CLSTN2: variants seen among roughly 807,000 people sequenced by gnomAD.
CLSTN2 encodes the protein calsyntenin 2.
CLSTN2 carries 48 observed loss-of-function variants against 101.2 expected under a neutral mutation model. The ratio of observed to expected loss-of-function variants is 0.47; its 90% CI spans 0.38 to 0.60. The LOEUF is 0.60. Ranked by LOEUF, CLSTN2 falls within the 20% of genes least tolerant of loss-of-function variation. The probability of loss-of-function intolerance (pLI) is 0.00; values close to 1 mark genes in which losing one functional copy is unlikely to be tolerated. For missense variants in CLSTN2, 1,160 were observed against 1,238.2 expected (o/e 0.94, Z 0.95); for synonymous variants, 481 against 463.6 (o/e 1.04, Z -0.48).
At chr3:140,173,144 T>G (rs2010265640) in intron 1 of CLSTN2, among the ~76,000 whole-genome samples, 2 of 152,186 alleles carry the variant, frequency 1.3e-5, no homozygotes, top group Admixed American at 1.3e-4. Context: ...AGCAAGCTAG[T>G]TATTTCCTAG....
intron 2 of CLSTN2, among the ~76,000 whole-genome samples, chr3:140,247,725 C>T (rs1033770587): frequency 3.9e-5 from 6 of 152,132 alleles, no homozygotes; most frequent in Non-Finnish European, 2.9e-5. Flanking sequence ...GGCTCATCAA[C>T]AGTAAAGACA....
intron 2 of CLSTN2, among the ~76,000 whole-genome samples, chr3:140,339,384 AT>A (rs1253479895): frequency 6.6e-6 from 1 of 152,082 alleles, no homozygotes; most frequent in East Asian, 1.9e-4. Flanking sequence ...GCCCTTTGGA[AT>A]TATAGTGAGA....
intron 1 of CLSTN2, among the ~76,000 whole-genome samples, chr3:140,070,610 T>A (rs1038097015): frequency 1.4e-5 from 2 of 145,352 alleles, no homozygotes; most frequent in Non-Finnish European, 3.1e-5. Context: ...ATGGCCAGAT[T>A]TGATACTTAA....
chr3:140,060,627 G>A (rs1346606808), intron 1 of CLSTN2, among the ~76,000 whole-genome samples: 1 of 152,202 alleles, frequency 6.6e-6, no homozygotes, highest in African/African-American at 2.4e-5. Flanking sequence ...CTGGCTCAGG[G>A]GAGGTGCTTC....
intron 1 of CLSTN2, among the ~76,000 whole-genome samples, chr3:139,981,756 C>T (rs1462057932): frequency 6.6e-6 from 1 of 152,212 alleles, no homozygotes; most frequent in African/African-American, 2.4e-5. Flanking sequence ...AATCTTTGCT[C>T]TTCTCAGTTA....
intron 5 of CLSTN2, among the ~76,000 whole-genome samples, chr3:140,438,195 A>G (rs1243224244): frequency 6.6e-6 from 1 of 152,070 alleles, no homozygotes; most frequent in Admixed American, 6.5e-5. Flanking sequence ...ACTGAGATAC[A>G]TTTTGTCAAG....
At chr3:140,143,494 A>T (rs2107810262) in intron 1 of CLSTN2, among the ~76,000 whole-genome samples, 1 of 152,280 alleles carries the variant, frequency 6.6e-6, no homozygotes, top group Middle Eastern at 3.4e-3. Context: ...GATTTTCTTT[A>T]TTCAGTATAC....
intron 1 of CLSTN2, among the ~76,000 whole-genome samples, chr3:140,171,712 A>G (rs556252853): frequency 0.013 from 1,472 of 117,388 alleles, 27 homozygotes; most frequent in South Asian, 0.02. Context: ...AATATGTATT[A>G]TGTATTATAT....
chr3:140,139,162 A>G (rs570560175), intron 1 of CLSTN2, among the ~76,000 whole-genome samples: 62 of 152,222 alleles, frequency 4.1e-4, no homozygotes, highest in African/African-American at 1.5e-3. Context: ...AGGGAGAGAG[A>G]GCATGTTGCA....
At chr3:140,114,235 C>T (rs954216063) in intron 1 of CLSTN2, among the ~76,000 whole-genome samples, 2 of 152,208 alleles carry the variant, frequency 1.3e-5, no homozygotes, top group African/African-American at 4.8e-5. Context: ...TACTAAATTA[C>T]TCATCATTCC....
intron 2 of CLSTN2, among the ~76,000 whole-genome samples, chr3:140,292,684 A>C (rs2086966510): frequency 6.6e-6 from 1 of 152,368 alleles, no homozygotes; most frequent in South Asian, 2.1e-4. Context: ...AATGACATTA[A>C]GTAAGTTACT....
At chr3:140,525,997 T>G (rs1156749694) in intron 8 of CLSTN2, among the ~76,000 whole-genome samples, 1 of 152,094 alleles carries the variant, frequency 6.6e-6, no homozygotes, top group Non-Finnish European at 1.5e-5. Flanking sequence ...AGAGGAACCT[T>G]TCCCCTTGAG....
intron 2 of CLSTN2, among the ~76,000 whole-genome samples, chr3:140,365,730 C>T (rs1207917225): frequency 2.6e-5 from 4 of 152,160 alleles, no homozygotes; most frequent in African/African-American, 7.2e-5. Context: ...CAGTACTCAC[C>T]GAGGCCTACA....
At chr3:140,168,550 T>G (rs562892733) in intron 1 of CLSTN2, among the ~76,000 whole-genome samples, 1 of 151,982 alleles carries the variant, frequency 6.6e-6, no homozygotes, top group African/African-American at 2.4e-5. Context: ...GGGGCATGCT[T>G]TTTTTTGGAG....
intron 2 of CLSTN2, among the ~76,000 whole-genome samples, chr3:140,218,595 C>T (rs2086229997): frequency 6.6e-6 from 1 of 152,142 alleles, no homozygotes; most frequent in South Asian, 2.1e-4. Flanking sequence ...AAAAAACCTT[C>T]CTGATTTTTA....
At chr3:140,246,774 C>T (rs2086521770) in intron 2 of CLSTN2, among the ~76,000 whole-genome samples, 1 of 152,048 alleles carries the variant, frequency 6.6e-6, no homozygotes, top group Non-Finnish European at 1.5e-5. Context: ...GAAGGAATTC[C>T]AGAAGTGTCG....
chr3:140,513,583 C>CTTTTTTTTTTTTT (rs55778787), intron 8 of CLSTN2, among the ~76,000 whole-genome samples: 5 of 117,766 alleles, frequency 4.2e-5, no homozygotes, highest in South Asian at 2.7e-4. Flanking sequence ...TTTTTTCTTT[C>CTTTTTTTTTTTTT]TTTTTTTTTT....
At chr3:140,496,803 T>G (rs1452184294) in intron 8 of CLSTN2, among the ~76,000 whole-genome samples, 1 of 152,062 alleles carries the variant, frequency 6.6e-6, no homozygotes, top group Non-Finnish European at 1.5e-5. Flanking sequence ...ATCACGGACC[T>G]ACTTAAACAA....
chr3:140,176,298 A>T (rs993302775), intron 2 of CLSTN2, among the ~76,000 whole-genome samples: 2 of 152,092 alleles, frequency 1.3e-5, no homozygotes, highest in African/African-American at 4.8e-5. Flanking sequence ...CCAGTGCAAG[A>T]CCCTTGTTTC....
Sources: allele counts gnomAD v4.1 joint callset (sites outside exome capture counted in the v4.1 genomes callset), GRCh38; gene constraint gnomAD v4.1.1; transcripts MANE v1.5; gene names NCBI Gene and HGNC (gene_info 2026-07-23, HGNC 2026-07-21).